GEMIN7: variants seen among roughly 807,000 people sequenced by gnomAD.
The protein encoded by GEMIN7 is gem nuclear organelle associated protein 7, also known as gem-associated protein 7.
In GEMIN7, 7 loss-of-function variants were observed where a neutral mutation model predicts 7.8. That is an observed-to-expected ratio of 0.90 (90% CI 0.51 to 1.69). GEMIN7 has a LOEUF of 1.69. Ranked by LOEUF, GEMIN7 falls within the 40% of genes most tolerant of loss-of-function variation. The pLI, the probability that GEMIN7 is intolerant of heterozygous loss-of-function variation, is 0.00. For synonymous variants in GEMIN7, 68 were observed against 72.4 expected (o/e 0.94, Z 0.31); for missense variants, 159 against 176.2 (o/e 0.90, Z 0.55).
upstream of GEMIN7, chr19:45,076,402 GGGCA>G (rs754690103): frequency 1.0e-3 from 1,278 of 1,237,844 alleles, 28 homozygotes; most frequent in East Asian, 0.036. This position sits in a 1 kb window ranked among gnomAD's most constrained non-coding sequence, Gnocchi z 4.9. Flanking sequence ...GCGAGCGGGC[GGGCA>G]GGCAGGCAGG....
At chr19:45,086,244 C>G (rs537560712) in intron 2 of GEMIN7, among the ~76,000 whole-genome samples, 6 of 151,728 alleles carry the variant, frequency 4.0e-5, no homozygotes, top group Non-Finnish European at 8.8e-5. Flanking sequence ...GCCTGGGTGA[C>G]AGAGTGAGAC....
intron 2 of GEMIN7, among the ~76,000 whole-genome samples, chr19:45,082,596 A>G (rs10414406): frequency 0.58 from 88,788 of 151,898 alleles, 26,443 homozygotes; most frequent in African/African-American, 0.64. Flanking sequence ...ATGTGCTAAC[A>G]ATGCTAGATA....
At chr19:45,084,176 A>G (rs1266235059) in intron 2 of GEMIN7, among the ~76,000 whole-genome samples, 1 of 137,452 alleles carries the variant, frequency 7.3e-6, no homozygotes, top group Non-Finnish European at 1.5e-5. Flanking sequence ...GCGCCACTGC[A>G]CTCCTGCCTG....
chr19:45,087,978 CT>C (rs2122681674), intron 2 of GEMIN7, among the ~76,000 whole-genome samples: 3 of 28,468 alleles, frequency 1.1e-4, no homozygotes, highest in African/African-American at 7.8e-4. Flanking sequence ...CAGAGTCTTG[CT>C]CTGTCGCCCA....
At chr19:45,076,481 G>A, upstream of GEMIN7, 1 of 834,496 alleles carries the variant, frequency 1.2e-6, no homozygotes, top group Non-Finnish European at 1.6e-6. The surrounding 1 kb of genome is among the most constrained non-coding windows in gnomAD (Gnocchi z 4.9). Flanking sequence ...GAGTGACTGC[G>A]GCGACCCGCC....
chr19:45,076,441 G>A, upstream of GEMIN7: 2 of 1,144,318 alleles, frequency 1.7e-6, no homozygotes, highest in East Asian at 3.4e-5. This position sits in a 1 kb window ranked among gnomAD's most constrained non-coding sequence, Gnocchi z 4.9. Context: ...ACGCACGAGC[G>A]GAGGACGCGC....
chr19:45,075,914 G>C, upstream of GEMIN7: 1 of 1,607,378 alleles, frequency 6.2e-7, no homozygotes, highest in Non-Finnish European at 8.5e-7. Context: ...GATGGGGGCT[G>C]AGGGTGCTGA....
upstream of GEMIN7, chr19:45,076,235 T>C: frequency 6.7e-7 from 1 of 1,502,228 alleles, no homozygotes; most frequent in Admixed American, 2.5e-5. This position sits in a 1 kb window ranked among gnomAD's most constrained non-coding sequence, Gnocchi z 4.9. Flanking sequence ...GGCCCCAGCC[T>C]TGGGGCCTGT....
upstream of GEMIN7, chr19:45,076,181 C>T: frequency 6.7e-7 from 1 of 1,503,246 alleles, no homozygotes; most frequent in Non-Finnish European, 8.9e-7. The surrounding 1 kb of genome is among the most constrained non-coding windows in gnomAD (Gnocchi z 4.9). Context: ...TGGTGGGGTT[C>T]GCCGCCGAAC....
chr19:45,085,863 C>CTTT (rs869044428), intron 2 of GEMIN7, among the ~76,000 whole-genome samples: 2,076 of 88,338 alleles, frequency 0.024, 248 homozygotes, highest in African/African-American at 0.048. Flanking sequence ...ACAAGAATCT[C>CTTT]TTTTTTTTTT....
chr19:45,078,225 C>T (rs1043891799), upstream of GEMIN7, among the ~76,000 whole-genome samples: 1 of 151,498 alleles, frequency 6.6e-6, no homozygotes, highest in Admixed American at 6.6e-5. Flanking sequence ...CCTGAGCCTC[C>T]GGAGTAGCTG....
intron 2 of GEMIN7, among the ~76,000 whole-genome samples, chr19:45,082,884 G>A (rs1176475822): frequency 6.6e-6 from 1 of 151,100 alleles, no homozygotes; most frequent in Non-Finnish European, 1.5e-5. Context: ...GTCTCCCAAG[G>A]TGCTGGGATT....
upstream of GEMIN7, chr19:45,075,957 C>T: frequency 6.3e-7 from 1 of 1,589,286 alleles, no homozygotes; most frequent in Non-Finnish European, 8.6e-7. Context: ...AGAAGGGGGC[C>T]TGAGGGGCAG....
At chr19:45,083,444 C>A (rs188960289) in intron 2 of GEMIN7, among the ~76,000 whole-genome samples, 123 of 152,018 alleles carry the variant, frequency 8.1e-4, no homozygotes, top group African/African-American at 2.9e-3. Context: ...GAGACTCCAT[C>A]CCCAAAACAA....
In GEMIN7 at chr19:45,090,399, C is replaced by A. The variant is rs770245022; in HGVS notation, c.285C>A (p.Thr95=). ...GTGTGGCCGCCCACTTTGGAGCCAC[C>A]GACCTGGATGTGGCCAACTTCTACG... ...GVRVAAHFGA[T]DLDVANFYVS... is the part of the protein sequence containing the mutation. Residue 95 remains threonine (T), a synonymous_variant, in exon 3 of 3, where the codon ACC becomes ACA. Coordinates refer to ENST00000270257, the MANE Select transcript of GEMIN7 (RefSeq NM_024707.3). 47 of 1,614,030 alleles carry A rather than the reference C, an allele frequency of 2.9e-5. No homozygotes were observed. Among genetic ancestry groups the A allele is most frequent in the Non-Finnish European group, 3.6e-5 (43 of 1,180,048 alleles).
upstream of GEMIN7, chr19:45,076,485 A>G: frequency 2.5e-6 from 2 of 789,136 alleles, no homozygotes; most frequent in Non-Finnish European, 3.4e-6. This position sits in a 1 kb window ranked among gnomAD's most constrained non-coding sequence, Gnocchi z 4.9. Flanking sequence ...GACTGCGGCG[A>G]CCCGCCGCGA....
chr19:45,082,786 ATT>A (rs35129433), intron 2 of GEMIN7, among the ~76,000 whole-genome samples: 1 of 138,396 alleles, frequency 7.2e-6, no homozygotes, highest in Non-Finnish European at 1.5e-5. Context: ...TGCCCAGCTA[ATT>A]TTTTTTTTTT....
chr19:45,089,526 G>C (rs375712212), intron 2 of GEMIN7, among the ~76,000 whole-genome samples: 1 of 152,168 alleles, frequency 6.6e-6, no homozygotes, highest in East Asian at 1.9e-4. Context: ...TTGTGTGTGA[G>C]AGAAAGCTGG....
chr19:45,083,452 C>T (rs1967567526), intron 2 of GEMIN7, among the ~76,000 whole-genome samples: 2 of 151,876 alleles, frequency 1.3e-5, no homozygotes, highest in African/African-American at 4.8e-5. Context: ...ATCCCCAAAA[C>T]AATTTTGCCA....
Sources: allele counts gnomAD v4.1 joint callset (sites outside exome capture counted in the v4.1 genomes callset), GRCh38; gene constraint gnomAD v4.1.1; non-coding constraint Gnocchi (gnomAD v3.1); transcripts MANE v1.5; gene names NCBI Gene and HGNC (gene_info 2026-07-23, HGNC 2026-07-21).